The following GRXCR1 variants were observed in gnomAD, a reference collection of about 807,000 sequenced individuals.
The protein encoded by GRXCR1 is glutaredoxin domain-containing cysteine-rich protein 1.
In GRXCR1, 27 loss-of-function variants were observed where a neutral mutation model predicts 27.3. That is an observed-to-expected ratio of 0.99 (90% CI 0.73 to 1.37). The LOEUF is 1.37. Ranked by LOEUF, GRXCR1 falls within the 40% of genes most tolerant of loss-of-function variation. The pLI is 0.00. For missense variants in GRXCR1, 379 were observed against 354.4 expected (o/e 1.07, Z -0.56); for synonymous variants, 122 against 131.1 (o/e 0.93, Z 0.47).
chr4:42,969,332 A>G (rs1748325840), intron 2 of GRXCR1, among the ~76,000 whole-genome samples: 1 of 152,124 alleles, frequency 6.6e-6, no homozygotes, highest in Non-Finnish European at 1.5e-5. Context: ...GTCTGTTTTC[A>G]CACTGCTATA....
At chr4:42,998,964 T>C (rs377106335) in intron 2 of GRXCR1, among the ~76,000 whole-genome samples, 2 of 152,212 alleles carry the variant, frequency 1.3e-5, no homozygotes, top group East Asian at 3.8e-4. Flanking sequence ...TAGATCCTTC[T>C]TGGCTGTCAA....
rs144829784 is a variant in GRXCR1, at chr4:42,987,628, G to A, written c.627+24494G>A. ...AAATGTACCCTTAATTCCATGCCAC[G>A]TGTGTTCCTAGTATGAAAGATTTCT... is the stretch of plus-strand genomic sequence containing the variant. On this transcript the variant is annotated intron_variant, in intron 2 of 3. Coordinates refer to ENST00000399770, the MANE Select transcript of GRXCR1 (RefSeq NM_001080476.3). Among the ~76,000 whole-genome samples the A allele has an allele frequency of 7.2e-5, 11 of 152,108 alleles. No individual in the cohort carries two copies. The East Asian group carries it at 1.7e-3, about 24-fold the overall frequency.
chr4:42,991,844 T>G (rs1711985553), intron 2 of GRXCR1, among the ~76,000 whole-genome samples: 2 of 152,168 alleles, frequency 1.3e-5, no homozygotes, highest in South Asian at 2.1e-4. Context: ...GAGACAATAT[T>G]GCCCTCATCG....
intron 1 of GRXCR1, among the ~76,000 whole-genome samples, chr4:42,902,592 G>A (rs555221418): frequency 6.9e-4 from 105 of 152,238 alleles, no homozygotes; most frequent in African/African-American, 2.4e-3. Flanking sequence ...ATGAACATAC[G>A]TGTGCATGTA....
chr4:42,980,263 C>G (rs185069131), intron 2 of GRXCR1, among the ~76,000 whole-genome samples: 2 of 151,708 alleles, frequency 1.3e-5, no homozygotes, highest in Non-Finnish European at 2.9e-5. Context: ...TCTTCTTTGA[C>G]GTAGGTGTTT....
chr4:42,899,171 T>C (rs1746412724), intron 1 of GRXCR1, among the ~76,000 whole-genome samples: 1 of 152,124 alleles, frequency 6.6e-6, no homozygotes, highest in African/African-American at 2.4e-5. Context: ...CTCTTCTCCA[T>C]CTCTTTTGGG....
At chr4:42,956,363 A>T (rs1748004050) in intron 1 of GRXCR1, among the ~76,000 whole-genome samples, 1 of 152,120 alleles carries the variant, frequency 6.6e-6, no homozygotes. Context: ...GAAGAGGGAC[A>T]GCCATTAGAG....
chr4:42,932,045 C>T (rs1747323884), intron 1 of GRXCR1, among the ~76,000 whole-genome samples: 1 of 151,980 alleles, frequency 6.6e-6, no homozygotes, highest in African/African-American at 2.4e-5. Context: ...AAAGACCCAC[C>T]CCCATGATTC....
intron 2 of GRXCR1, among the ~76,000 whole-genome samples, chr4:42,980,443 A>T (rs566402330): frequency 6.6e-6 from 1 of 151,336 alleles, no homozygotes; most frequent in Non-Finnish European, 1.5e-5. Context: ...GTTTTTGTAA[A>T]TTTTTTGAAG....
At chr4:42,909,570 G>T (rs953274020) in intron 1 of GRXCR1, among the ~76,000 whole-genome samples, 3 of 152,068 alleles carry the variant, frequency 2.0e-5, no homozygotes, top group Non-Finnish European at 2.9e-5. Flanking sequence ...AGTGCCATCT[G>T]GTTAGCCAAT....
intron 2 of GRXCR1, among the ~76,000 whole-genome samples, chr4:42,991,940 A>G (rs571774559): frequency 2.0e-5 from 3 of 152,032 alleles, no homozygotes; most frequent in South Asian, 2.1e-4. Flanking sequence ...ATTTTTTCCT[A>G]TAGGCATGTG....
At chr4:42,894,748 G>T (rs1052757084) in intron 1 of GRXCR1, among the ~76,000 whole-genome samples, 1 of 151,964 alleles carries the variant, frequency 6.6e-6, no homozygotes, top group Non-Finnish European at 1.5e-5. Context: ...ATTGGGGTGA[G>T]GTTGGAGACT....
intron 3 of GRXCR1, among the ~76,000 whole-genome samples, chr4:43,026,488 G>C (rs1467768847): frequency 7.4e-6 from 1 of 134,634 alleles, no homozygotes; most frequent in Non-Finnish European, 1.5e-5. Context: ...GAGATTCCTG[G>C]GTGCTGAGGG....
intron 1 of GRXCR1, among the ~76,000 whole-genome samples, chr4:42,954,143 T>C (rs1747946804): frequency 6.6e-6 from 1 of 151,846 alleles, no homozygotes; most frequent in South Asian, 2.1e-4. Flanking sequence ...TATGTCTTAA[T>C]GTGTGTGGAT....
intron 2 of GRXCR1, among the ~76,000 whole-genome samples, chr4:42,965,418 C>A (rs1577923452): frequency 6.6e-6 from 1 of 152,004 alleles, no homozygotes; most frequent in Non-Finnish European, 1.5e-5. Context: ...ACAACGAATT[C>A]TCCTCCTATT....
At chr4:42,933,216 C>A (rs774099001) in intron 1 of GRXCR1, among the ~76,000 whole-genome samples, 1 of 151,920 alleles carries the variant, frequency 6.6e-6, no homozygotes, top group South Asian at 2.1e-4. Context: ...CCTCTTTATG[C>A]CTGGCTATTG....
rs1293026256 is a variant in GRXCR1, at chr4:42,949,949, A to C, written c.385-12943A>C. Among the ~76,000 whole-genome samples, 4 of 152,218 alleles carry C rather than the reference A, an allele frequency of 2.6e-5. No individual in the cohort carries two copies. The East Asian group carries it at 5.8e-4, about 22-fold the overall frequency. On this transcript the variant is annotated intron_variant, in intron 1 of 3. Coordinates refer to ENST00000399770, the MANE Select transcript of GRXCR1 (RefSeq NM_001080476.3). ...CTCTTCATCACACTGACATTTATGAAAGAATCAGGCTGAGACGAAGTACAG... is the reference window on the plus strand; with the variant it reads ...CTCTTCATCACACTGACATTTATGACAGAATCAGGCTGAGACGAAGTACAG...
At chr4:42,984,448 T>C (rs187411401) in intron 2 of GRXCR1, among the ~76,000 whole-genome samples, 2 of 152,252 alleles carry the variant, frequency 1.3e-5, no homozygotes, top group Admixed American at 1.3e-4. Context: ...CATGTTTTTC[T>C]GACTGTTCTT....
intron 1 of GRXCR1, among the ~76,000 whole-genome samples, chr4:42,952,428 A>G (rs1015503092): frequency 6.6e-6 from 1 of 152,070 alleles, no homozygotes; most frequent in African/African-American, 2.4e-5. Context: ...GCACCAACAA[A>G]GCTGACTATA....
Sources: allele counts gnomAD v4.1 joint callset (sites outside exome capture counted in the v4.1 genomes callset), GRCh38; gene constraint gnomAD v4.1.1; transcripts MANE v1.5; gene names NCBI Gene and HGNC (gene_info 2026-07-23, HGNC 2026-07-21).